Variants in WSB1 observed in about 807,000 individuals in gnomAD.
The protein encoded by WSB1 is WD repeat and SOCS box containing 1.
A neutral mutation model predicts 50.2 loss-of-function variants in WSB1; 23 were observed. That is an observed-to-expected ratio of 0.46 (90% CI 0.33 to 0.65). WSB1 has a LOEUF of 0.65. Ranked by LOEUF, WSB1 falls within the 30% of genes least tolerant of loss-of-function variation. The pLI is 0.02. For missense variants in WSB1, 492 were observed against 522.3 expected (o/e 0.94, Z 0.56); for synonymous variants, 179 against 172.0 (o/e 1.04, Z -0.32).
At chr17:27,302,094 A>G (rs2017254366) in intron 2 of WSB1, 138 bp downstream of exon 2, 7 of 1,114,768 alleles carry the variant, frequency 6.3e-6, no homozygotes, top group Middle Eastern at 2.8e-4. Flanking sequence ...TGGGCTGAAT[A>G]TATTTATTGG....
At chr17:27,309,069 T>TGAAG in intron 5 of WSB1, 31 bp from the exon 6 acceptor site, 2 of 1,570,186 alleles carry the variant, frequency 1.3e-6, no homozygotes, top group Non-Finnish European at 8.7e-7. Flanking sequence ...TATGTCTGAA[T>TGAAG]GAAGCTATAA....
intron 1 of WSB1, among the ~76,000 whole-genome samples, chr17:27,300,709 T>A (rs76388873): frequency 2.6e-5 from 4 of 151,416 alleles, no homozygotes; most frequent in Non-Finnish European, 5.9e-5. Flanking sequence ...TTTTTTTTTT[T>A]ATGACAGTCT....
At chr17:27,297,943 G>A (rs1189000992) in intron 1 of WSB1, among the ~76,000 whole-genome samples, 1 of 151,710 alleles carries the variant, frequency 6.6e-6, no homozygotes, top group Non-Finnish European at 1.5e-5. Flanking sequence ...CTCCGTCTCT[G>A]CTAAAATATA....
Position 27,311,537 on chromosome 17 carries a change from G to T in WSB1, c.1027G>T (p.Asp343Tyr). ...GGTGAGGTTCTGGAGAATTGATGAG[G>T]ATTATCCAGTGCAAGTTGCACCTTT... ...KMVRFWRIDEDYPVQVAPLSN... is the reference protein window; with the variant it reads ...KMVRFWRIDEYYPVQVAPLSN... Residue 343 changes from aspartate (D) to tyrosine (Y), a missense_variant, in exon 8 of 9, where the codon GAT becomes TAT. By Grantham distance (160) the Asp-to-Tyr change is radical. Coordinates refer to ENST00000262394, the MANE Select transcript of WSB1 (RefSeq NM_015626.10). 6.2e-7 allele frequency: 1 copy of T among 1,610,478 alleles called. No homozygotes were observed. Among genetic ancestry groups the T allele is most frequent in the East Asian group, 2.2e-5 (1 of 44,766 alleles).
chr17:27,309,888 A>C (rs2017606833), intron 6 of WSB1, among the ~76,000 whole-genome samples, 173 bp from the exon 7 acceptor site: 1 of 152,130 alleles, frequency 6.6e-6, no homozygotes, highest in Non-Finnish European at 1.5e-5. Context: ...ACCATAAAAG[A>C]TTAGTTCTTT....
At chr17:27,307,965 C>G in intron 5 of WSB1, 1 of 1,250,974 alleles carries the variant, frequency 8.0e-7, no homozygotes, top group Non-Finnish European at 1.0e-6. Flanking sequence ...TTCTTTTTTT[C>G]TTTTTTAAAG....
Position 27,313,585 on chromosome 17 carries a change from T to C in WSB1, c.*1216T>C, listed in dbSNP as rs187250475. 7.2e-5 allele frequency: 11 copies of C among 152,494 alleles called. No homozygotes were observed. In the East Asian group the frequency reaches 1.7e-3, roughly 24 times the overall value. 9.4% of individuals were successfully genotyped at this position (152,494 alleles called of 1,614,324 possible). ...ATGCATTATGTAAAATGCTCAATTATATATTTTTGTTGAGTTTTTTAATTA... is the reference window on the plus strand; with the variant it reads ...ATGCATTATGTAAAATGCTCAATTACATATTTTTGTTGAGTTTTTTAATTA... On this transcript the variant is annotated 3_prime_UTR_variant, in exon 9 of 9. Coordinates refer to ENST00000262394, the MANE Select transcript of WSB1 (RefSeq NM_015626.10).
rs759468976 is a variant in WSB1 at position 27,310,192 on chromosome 17, A to G, written c.998+18A>G. 6.2e-7 allele frequency: 1 copy of G among 1,604,894 alleles called. No homozygotes were observed. The highest frequency in any genetic ancestry group is 8.5e-7 in the Non-Finnish European group (1 of 1,171,906). On this transcript the variant is annotated intron_variant, in intron 7 of 8. Coordinates refer to ENST00000262394, the MANE Select transcript of WSB1 (RefSeq NM_015626.10). ...GATGATAAGTAAGTATGTGCATTATAGCTTGACTGACTTACTATTACCTTT... is the reference window on the plus strand; with the variant it reads ...GATGATAAGTAAGTATGTGCATTATGGCTTGACTGACTTACTATTACCTTT...
intron 1 of WSB1, among the ~76,000 whole-genome samples, chr17:27,297,640 A>G (rs997999403): frequency 6.6e-5 from 10 of 152,076 alleles, no homozygotes; most frequent in African/African-American, 2.2e-4. Flanking sequence ...AATTTTTTGT[A>G]GAGATGAGGT....
In WSB1 at chr17:27,312,315, T is replaced by A; in HGVS notation, c.1212T>A (p.Val404=). 6.2e-7 allele frequency: 1 copy of A among 1,614,172 alleles called. No individual in the cohort carries two copies. The highest frequency in any genetic ancestry group is 1.3e-5 in the African/African-American group (1 of 75,056). ...GAAGAGTGATGCCCACCCAAGAAGT[T>A]CAGGAGCTGCCGATTCCTTCCAAGC... is the stretch of plus-strand genomic sequence containing the variant. ...SIRRVMPTQE[V]QELPIPSKLL... is the part of the protein sequence containing the mutation. Residue 404 remains valine (V), a synonymous_variant, in exon 9 of 9, where the codon GTT becomes GTA. Transcript: ENST00000262394.
At position 27,301,659 on chromosome 17, in the gene WSB1, G is replaced by T. The variant is rs568607780; in HGVS notation, c.41-129G>T. On this transcript the variant is annotated intron_variant, in intron 1 of 8. Transcript: ENST00000262394. ...ACTGCATACCCCCCGTTAGAGGATG[G>T]AATGCAGAACTCACTATACCCTGTC... is the stretch of plus-strand genomic sequence containing the variant. The T allele has an allele frequency of 1.5e-4, 124 of 839,514 alleles. 1 individual carries two copies. The highest frequency in any genetic ancestry group is 1.1e-3 in the Middle Eastern group (3 of 2,850). 52.0% of individuals were successfully genotyped at this position (839,514 alleles called of 1,614,324 possible).
In WSB1 at chr17:27,315,242, A is replaced by G. The variant is rs972438534; in HGVS notation, c.*2873A>G. ...ATGACACTGCCTCTCCTATTTTGCC[A>G]CAAGCCTGTCATTTGGAGAACTGGC... On this transcript the variant is annotated 3_prime_UTR_variant, in exon 9 of 9. Coordinates refer to ENST00000262394, the MANE Select transcript of WSB1 (RefSeq NM_015626.10). 9.2e-5 allele frequency: 14 copies of G among 152,190 alleles called. No homozygotes were observed. Among genetic ancestry groups the G allele is most frequent in the Non-Finnish European group, 1.5e-5 (1 of 68,042 alleles). The allele number at this position is 152,190 out of a possible 1,614,324, so 9.4% of individuals were successfully genotyped here. A position where few individuals can be genotyped will look rare whatever the true frequency, so the allele number is the denominator to read the frequency against.
intron 1 of WSB1, among the ~76,000 whole-genome samples, chr17:27,295,595 G>GAA (rs11368438): frequency 1.3e-5 from 2 of 150,028 alleles, no homozygotes; most frequent in African/African-American, 4.9e-5. Flanking sequence ...ACAGAAAAAA[G>GAA]AAAAAAAAAG....
intron 1 of WSB1, among the ~76,000 whole-genome samples, chr17:27,295,903 T>C (rs1305289756): frequency 6.6e-6 from 1 of 151,992 alleles, no homozygotes; most frequent in Admixed American, 6.6e-5. Context: ...AATGGCACGA[T>C]CTCGGCTCAC....
rs2017439344 is a variant in WSB1, at chr17:27,306,065, G to A, written c.611-717G>A. Among the ~76,000 whole-genome samples, 4 of 152,202 alleles carry A rather than the reference G, an allele frequency of 2.6e-5. No homozygotes were observed. In the South Asian group the frequency reaches 8.3e-4, roughly 32 times the overall value. On this transcript the variant is annotated intron_variant, in intron 4 of 8. Coordinates refer to ENST00000262394, the MANE Select transcript of WSB1 (RefSeq NM_015626.10). ...GTGTGCTGTGGGTATAATACACAAG[G>A]ACTTTGGAGTGAGTTGTAGGTTCTC... is the stretch of plus-strand genomic sequence containing the variant.
intron 4 of WSB1, 112 bp downstream of exon 4, chr17:27,305,023 C>G: frequency 7.2e-7 from 1 of 1,390,348 alleles, no homozygotes; most frequent in Non-Finnish European, 9.9e-7. Context: ...GATCAAAGTT[C>G]CTTTTCTCTG....
At chr17:27,309,949 T>C (rs1430834604) in intron 6 of WSB1, 112 bp from the exon 7 acceptor site, 24 of 764,314 alleles carry the variant, frequency 3.1e-5, no homozygotes, top group Non-Finnish European at 5.2e-5. Flanking sequence ...TTCTCAGTTA[T>C]ATTAATTAAG....
rs1354215807 is a variant in WSB1 at position 27,314,671 on chromosome 17, TTTTA to T, written c.*2306_*2309del. ...AAAACAGCTTTTTTTATTTTTTATT[TTTTA>T]TTTTTTTTGAGACGGAGTCTCACAC... is the stretch of plus-strand genomic sequence containing the variant. On this transcript the variant is annotated 3_prime_UTR_variant, in exon 9 of 9. Coordinates refer to ENST00000262394, the MANE Select transcript of WSB1 (RefSeq NM_015626.10). 2.0e-5 allele frequency: 3 copies of T among 152,098 alleles called. No individual in the cohort carries two copies. The highest frequency in any genetic ancestry group is 2.9e-5 in the Non-Finnish European group (2 of 68,030). 9.4% of individuals were successfully genotyped at this position (152,098 alleles called of 1,614,324 possible).
rs749438180 is a variant in WSB1, at chr17:27,301,831, T to C, written c.84T>C (p.Pro28=). 2 of 1,614,110 alleles carry C rather than the reference T, an allele frequency of 1.2e-6. No homozygotes were observed. Among genetic ancestry groups the C allele is most frequent in the Non-Finnish European group, 1.7e-6 (2 of 1,179,984 alleles). ...TIGELLAPAA[P]FDKKCGRENW... ...GTGAACTTTTAGCTCCTGCAGCTCC[T>C]TTTGACAAGAAATGTGGTCGTGAAA... The change falls in exon 2 of 9, where the codon CCT becomes CCC. Residue 28 remains proline, a synonymous_variant. Transcript: ENST00000262394.
Sources: gnomAD v4.1 joint callset for allele counts (sites outside exome capture counted in the v4.1 genomes callset) on GRCh38, gnomAD v4.1.1 for gene constraint, MANE v1.5 for transcripts, NCBI Gene and HGNC (gene_info 2026-07-23, HGNC 2026-07-21) for gene names.